Variants in BBX observed in about 807,000 individuals in gnomAD.
The protein encoded by BBX is BBX high mobility group box domain containing, also known as HMG box transcription factor BBX.
Under a neutral mutation model 100.2 loss-of-function variants are expected in BBX, and 30 were observed. The ratio of observed to expected loss-of-function variants is 0.30; its 90% confidence interval spans 0.22 to 0.41. BBX has a LOEUF of 0.41. Among genes scored for constraint, BBX ranks in the 10% least tolerant of loss-of-function variants. The pLI, the probability that BBX is intolerant of heterozygous loss-of-function variation, is 1.00. For synonymous variants in BBX, 376 were observed against 388.1 expected (o/e 0.97, Z 0.37); for missense variants, 1,023 against 1,129.8 (o/e 0.91, Z 1.35).
At chr3:107,599,676 ATC>A (rs2053927188) in intron 2 of BBX, 1 of 152,168 alleles carries the variant, frequency 6.6e-6, no homozygotes, top group Non-Finnish European at 1.5e-5. Context: ...TCGTAATTCT[ATC>A]TAGTGTTTTG....
At position 107,558,613 on chromosome 3, in the gene BBX, G is replaced by A. The variant is rs772348006; in HGVS notation, c.-84+32215G>A. 3.3e-5 allele frequency among the ~76,000 whole-genome samples: 5 copies of A among 152,282 alleles called. No homozygotes were observed. In the South Asian group the frequency reaches 1.0e-3, roughly 32 times the overall value. On this transcript the variant is annotated intron_variant, in intron 2 of 17. Transcript: ENST00000325805. ...ATTTCCCAGATTCTTTGGGCAAGTT[G>A]GCTCTCAAGCAGCTGTGAGCTGATA... is the stretch of plus-strand genomic sequence containing the variant.
At chr3:107,791,188 TCTA>T in intron 14 of BBX, 49 bp from the exon 15 acceptor site, 2 of 1,476,388 alleles carry the variant, frequency 1.4e-6, no homozygotes, top group Non-Finnish European at 1.9e-6. Flanking sequence ...GTATGGGGAA[TCTA>T]CTAAGAGTAG....
intron 4 of BBX, among the ~76,000 whole-genome samples, chr3:107,710,931 G>C (rs899374038): frequency 1.2e-4 from 19 of 152,282 alleles, no homozygotes; most frequent in African/African-American, 4.6e-4. Context: ...CTCATCTGAC[G>C]TTCTACCCTG....
intron 10 of BBX, 106 bp downstream of exon 10, chr3:107,755,784 T>G (rs2065426601): frequency 1.1e-6 from 1 of 928,640 alleles, no homozygotes; most frequent in South Asian, 1.7e-5. Context: ...GACCATAAAA[T>G]GAGTTACATC....
chr3:107,744,541 T>G, intron 7 of BBX, 89 bp from the exon 8 acceptor site: 1 of 960,920 alleles, frequency 1.0e-6, no homozygotes, highest in East Asian at 2.4e-5. Context: ...TTGTTGATAA[T>G]AAAGATCGCA....
chr3:107,576,203 CTG>C (rs1559830502), intron 2 of BBX, among the ~76,000 whole-genome samples: 1 of 152,160 alleles, frequency 6.6e-6, no homozygotes, highest in Non-Finnish European at 1.5e-5. Flanking sequence ...TGTGGGGAAA[CTG>C]GGGCTCAGTC....
At chr3:107,605,391 G>A (rs951087563) in intron 2 of BBX, among the ~76,000 whole-genome samples, 5 of 151,084 alleles carry the variant, frequency 3.3e-5, no homozygotes, top group Admixed American at 2.0e-4. Flanking sequence ...TTTTTTGGGG[G>A]GGGGATTTAA....
chr3:107,608,366 A>G (rs183440767), intron 2 of BBX, among the ~76,000 whole-genome samples: 1 of 152,272 alleles, frequency 6.6e-6, no homozygotes, highest in Admixed American at 6.5e-5. Flanking sequence ...TTTGTCAAAA[A>G]TGAGTTCACC....
At position 107,804,022 on chromosome 3, in the gene BBX, G is replaced by A. The variant is rs1334842436; in HGVS notation, c.2739-1348G>A. ...TCTTTTAATATCTTAAAAGTAAAAA[G>A]TAGCATTTTAATTTCATCTTTCTTG... is the stretch of plus-strand genomic sequence containing the variant. On this transcript the variant is annotated intron_variant, in intron 17 of 17. Transcript: ENST00000325805. 8.7e-5 allele frequency among the ~76,000 whole-genome samples: 13 copies of A among 149,056 alleles called. No homozygotes were observed. The Admixed American group carries it at 8.7e-4, about 10-fold the overall frequency.
intron 3 of BBX, among the ~76,000 whole-genome samples, chr3:107,689,055 C>T (rs2060004791): frequency 6.6e-6 from 1 of 152,064 alleles, no homozygotes; most frequent in Non-Finnish European, 1.5e-5. Context: ...ATTTTTTTCC[C>T]CCTAGAATCA....
intron 2 of BBX, among the ~76,000 whole-genome samples, chr3:107,539,597 T>G (rs1262333920): frequency 6.6e-6 from 1 of 152,218 alleles, no homozygotes; most frequent in Non-Finnish European, 1.5e-5. Context: ...ACTTTTAAAA[T>G]GCTATTCCCC....
chr3:107,591,105 C>T (rs1009426143), intron 2 of BBX, among the ~76,000 whole-genome samples: 26 of 152,144 alleles, frequency 1.7e-4, no homozygotes, highest in Non-Finnish European at 3.1e-4. Context: ...AGATTTTTTT[C>T]CCCCCAGTCT....
At chr3:107,713,884 C>T (rs1374364545) in intron 4 of BBX, among the ~76,000 whole-genome samples, 13 of 150,750 alleles carry the variant, frequency 8.6e-5, no homozygotes, top group African/African-American at 3.2e-4. Flanking sequence ...TTCCCCATGT[C>T]TCTCCATTGA....
chr3:107,805,383 A>G lies in BBX; in HGVS notation c.2752A>G (p.Thr918Ala), dbSNP rs1165485694. The change falls in exon 18 of 18, where the codon ACT becomes GCT. Residue 918 changes from threonine to alanine, a missense_variant. By Grantham distance (58) the Thr-to-Ala change is moderately conservative (BLOSUM62 0). This residue lies in a region of BBX where 104 missense variants were observed against 132.2 expected (regional missense o/e 0.79). Coordinates refer to ENST00000325805, the MANE Select transcript of BBX (RefSeq NM_001142568.3). Reference sequence around the variant, plus strand: ...TTTATTTTACAGAGGTCAGAGGTCAACTCCGCTCACCCATGATGGACAGCC... The same window carrying G: ...TTTATTTTACAGAGGTCAGAGGTCAGCTCCGCTCACCCATGATGGACAGCC... The part of the protein sequence containing the change: ...MENVHRGQRS[T>A]PLTHDGQPKE... 2.5e-6 allele frequency: 4 copies of G among 1,613,600 alleles called. No homozygotes were observed. The highest frequency in any genetic ancestry group is 1.3e-5 in the African/African-American group (1 of 74,986).
chr3:107,616,442 T>A (rs2055290450), intron 2 of BBX, among the ~76,000 whole-genome samples: 1 of 151,770 alleles, frequency 6.6e-6, no homozygotes, highest in Non-Finnish European at 1.5e-5. Flanking sequence ...GTTTTTGTTT[T>A]TGTTTTAAAG....
Position 107,609,637 on chromosome 3 carries a change from C to T in BBX, c.-83-36199C>T, listed in dbSNP as rs188700683. On this transcript the variant is annotated intron_variant, in intron 2 of 17. Coordinates refer to ENST00000325805, the MANE Select transcript of BBX (RefSeq NM_001142568.3). ...TGTGTCTGTGTGTCTAGGAAATTAT[C>T]CATTTTTTCTACTTTTCCAATTTAT... 3.3e-5 allele frequency among the ~76,000 whole-genome samples: 5 copies of T among 152,074 alleles called. No homozygotes were observed. In the East Asian group the frequency reaches 9.7e-4, roughly 29 times the overall value.
At chr3:107,531,340 G>T (rs1411987029) in intron 2 of BBX, among the ~76,000 whole-genome samples, 1 of 152,110 alleles carries the variant, frequency 6.6e-6, no homozygotes, top group East Asian at 1.9e-4. Flanking sequence ...TGCCTCTATT[G>T]CTTATTAGTT....
chr3:107,730,097 A>G (rs1046873746), intron 6 of BBX, among the ~76,000 whole-genome samples: 2 of 152,094 alleles, frequency 1.3e-5, no homozygotes, highest in Admixed American at 6.6e-5. Flanking sequence ...TAAAAAATGA[A>G]GTCTAACATA....
At chr3:107,627,866 G>A (rs2056298475) in intron 2 of BBX, among the ~76,000 whole-genome samples, 1 of 151,920 alleles carries the variant, frequency 6.6e-6, no homozygotes, top group Non-Finnish European at 1.5e-5. Flanking sequence ...TTTAGTATCT[G>A]AAAGAGTTGC....
Sources: gnomAD v4.1 joint callset for allele counts (sites outside exome capture counted in the v4.1 genomes callset) on GRCh38, gnomAD v4.1.1 for gene constraint, gnomAD v4.1.1 regional missense constraint, MANE v1.5 for transcripts, NCBI Gene and HGNC (gene_info 2026-07-23, HGNC 2026-07-21) for gene names.